Variants in EPRS1 observed in about 807,000 individuals in gnomAD.
The protein encoded by EPRS1 is glutamyl-prolyl-tRNA synthetase 1, also known as bifunctional glutamate/proline--tRNA ligase.
In EPRS1, 107 loss-of-function variants were observed where a neutral mutation model predicts 188.3. That is an observed-to-expected ratio of 0.57 (90% CI 0.49 to 0.67). EPRS1 has a LOEUF of 0.67. Among genes scored for constraint, EPRS1 ranks in the 30% least tolerant of loss-of-function variants. The pLI is 0.00. For synonymous variants in EPRS1, 596 were observed against 593.1 expected, an observed-to-expected ratio of 1.00 and a Z score of -0.07; for missense variants, 1,577 against 1,802.2, an observed-to-expected ratio of 0.88 and a Z score of 2.26.
intron 17 of EPRS1, among the ~76,000 whole-genome samples, chr1:220,000,905 C>T (rs1002684066): frequency 2.0e-5 from 3 of 152,122 alleles, no homozygotes; most frequent in Non-Finnish European, 2.9e-5. Flanking sequence ...TGCTTGAACC[C>T]GGGAGGCGGA....
intron 22 of EPRS1, 101 bp downstream of exon 22, chr1:219,983,088 A>G (rs1660930585): frequency 3.1e-6 from 3 of 972,430 alleles, no homozygotes; most frequent in Non-Finnish European, 4.6e-6. Flanking sequence ...TTTTTAATAA[A>G]AATGGCTTTA....
At position 220,046,493 on chromosome 1, in the gene EPRS1, C is replaced by T; in HGVS notation, c.-105G>A. On this transcript the variant is annotated 5_prime_UTR_variant, in exon 1 of 32. Transcript: ENST00000366923. The stretch of plus-strand genomic sequence containing the variant: ...TGCAACGTGTGCGCGTACCCGACGC[C>T]GCCGCAGCCTTCGCTCCGCCCCTGC... The T allele has an allele frequency of 4.6e-6, 7 of 1,524,550 alleles. 1 individual carries two copies. The South Asian group carries it at 8.5e-5, about 19-fold the overall frequency. The allele number at this position is 1,524,550 out of a possible 1,614,324, so 94.4% of individuals were successfully genotyped here.
chr1:220,041,311 G>A (rs1428012229), intron 1 of EPRS1, among the ~76,000 whole-genome samples: 6 of 150,920 alleles, frequency 4.0e-5, no homozygotes, highest in African/African-American at 1.2e-4. Flanking sequence ...CTGCCTGAAT[G>A]ACACAGCGAA....
At chr1:219,978,412 TGAA>T (rs1316436488) in intron 28 of EPRS1, 131 bp downstream of exon 28, 10 of 625,000 alleles carry the variant, frequency 1.6e-5, no homozygotes, top group South Asian at 5.1e-5. Flanking sequence ...ACAGTTTAAG[TGAA>T]GAAGAAGAAA....
chr1:219,979,288 A>G (rs185390474), intron 27 of EPRS1, 130 bp downstream of exon 27: 1 of 651,002 alleles, frequency 1.5e-6, no homozygotes, highest in African/African-American at 1.8e-5. Flanking sequence ...TCCAGACTGC[A>G]TTCCACGTTG....
intron 28 of EPRS1, among the ~76,000 whole-genome samples, chr1:219,976,680 A>T (rs7539385): frequency 1.3e-5 from 2 of 151,866 alleles, no homozygotes; most frequent in Non-Finnish European, 2.9e-5. Flanking sequence ...TAGAAGAAAT[A>T]GCACAAGTAA....
rs148397556 is a variant in EPRS1, at chr1:220,013,589, C to T, written c.1495-2533G>A. 5.9e-3 allele frequency among the ~76,000 whole-genome samples: 905 copies of T among 152,194 alleles called. 13 individuals are homozygous for T. Among genetic ancestry groups the T allele is most frequent in the African/African-American group, 0.02 (847 of 41,528 alleles). On this transcript the variant is annotated intron_variant, in intron 12 of 31. Transcript: ENST00000366923. ...AATGATGATTCAGCTCTGCCAGTAA[C>T]ACTTACTTCACAACTCCACGGCGCT...
chr1:219,982,790 G>A lies in EPRS1; in HGVS notation c.3355C>T (p.Arg1119Cys). ...TTCTCACCTGTTTCACTAGTAGGAC[G>A]AATGGCAATTGGTTCTGCCAGCTCG... is the stretch of plus-strand genomic sequence containing the variant. ...KTELAEPIAI[R>C]PTSETVMYPA... Residue 1119 changes from arginine (R) to cysteine (C), a missense_variant, in exon 23 of 32, where the codon CGT (arginine) becomes TGT (cysteine). Arg to Cys is a radical substitution (Grantham distance 180). Coordinates refer to ENST00000366923, the MANE Select transcript of EPRS1 (RefSeq NM_004446.3). 6.2e-7 allele frequency: 1 copy of A among 1,613,948 alleles called. No individual in the cohort carries two copies. Among genetic ancestry groups the A allele is most frequent in the Non-Finnish European group, 8.5e-7 (1 of 1,179,852 alleles).
At chr1:220,030,590 G>A (rs2102595226) in intron 5 of EPRS1, 110 bp from the exon 6 acceptor site, 1 of 746,854 alleles carries the variant, frequency 1.3e-6, no homozygotes, top group East Asian at 2.6e-5. Context: ...TGAAAAATAT[G>A]ATGACTAGAA....
At position 219,980,223 on chromosome 1, in the gene EPRS1, G is replaced by C; in HGVS notation, c.3573C>G (p.Asp1191Glu). The C allele has an allele frequency of 6.2e-7, 1 of 1,611,700 alleles. No homozygotes were observed. The highest frequency in any genetic ancestry group is 8.5e-7 in the Non-Finnish European group (1 of 1,178,434). Reference sequence around the variant, plus strand: ...GTTCTTCATATACCTGAGCATATAAGTCAAGTATCTGCAAGACCTGTAACA... The same window carrying C: ...GTTCTTCATATACCTGAGCATATAACTCAAGTATCTGCAAGACCTGTAACA... ...EAAEEVLQIL[D>E]LYAQVYEELL... is the part of the protein sequence containing the mutation. Residue 1191 changes from aspartate (D) to glutamate (E), a missense_variant, in exon 26 of 32, where the codon GAC (aspartate) becomes GAG (glutamate). Coordinates refer to ENST00000366923, the MANE Select transcript of EPRS1 (RefSeq NM_004446.3).
chr1:220,016,577 ATTT>A (rs57664248), intron 12 of EPRS1, among the ~76,000 whole-genome samples: 1 of 69,606 alleles, frequency 1.4e-5, no homozygotes, highest in Admixed American at 2.2e-4. Context: ...GGCCTAGCTA[ATTT>A]TTTTTTTTTT....
intron 2 of EPRS1, among the ~76,000 whole-genome samples, chr1:220,037,551 A>T (rs928446452): frequency 6.6e-6 from 1 of 151,776 alleles, no homozygotes; most frequent in Non-Finnish European, 1.5e-5. Flanking sequence ...TGGAGGTGAC[A>T]ACTTAGAAAA....
At chr1:220,018,870 G>C in intron 11 of EPRS1, 125 bp downstream of exon 11, 2 of 500,692 alleles carry the variant, frequency 4.0e-6, no homozygotes, top group Non-Finnish European at 3.3e-6. Flanking sequence ...AAAAAAATCT[G>C]CCCTTGGATC....
intron 5 of EPRS1, among the ~76,000 whole-genome samples, chr1:220,031,838 G>A (rs1662088968): frequency 6.6e-6 from 1 of 152,128 alleles, no homozygotes; most frequent in African/African-American, 2.4e-5. Flanking sequence ...TAAAATTAAT[G>A]AGGTTTTATT....
chr1:219,992,050 T>A (rs1217844110), intron 18 of EPRS1, among the ~76,000 whole-genome samples: 1 of 152,214 alleles, frequency 6.6e-6, no homozygotes, highest in Non-Finnish European at 1.5e-5. Context: ...GCTTTTTTCT[T>A]GTTTCCTTCC....
In EPRS1 at chr1:220,032,542, A is replaced by G. The variant is rs751278455; in HGVS notation, c.389-16T>C. On this transcript the variant is annotated splice_polypyrimidine_tract_variant and intron_variant, in intron 4 of 31. Coordinates refer to ENST00000366923, the MANE Select transcript of EPRS1 (RefSeq NM_004446.3). Reference sequence around the variant, plus strand: ...GCAGCATTTCCTATGAGCAAAGATAATTTTAAACTATTCAATAAATCTGCA... The same window carrying G: ...GCAGCATTTCCTATGAGCAAAGATAGTTTTAAACTATTCAATAAATCTGCA... 7.4e-6 allele frequency: 12 copies of G among 1,611,252 alleles called. No individual in the cohort carries two copies. The East Asian group carries it at 2.7e-4, about 36-fold the overall frequency.
In EPRS1 at chr1:219,983,358, C is replaced by T; in HGVS notation, c.3131G>A (p.Ser1044Asn). The change falls in exon 22 of 32, where the codon AGT (serine) becomes AAT (asparagine). Residue 1044 changes from serine to asparagine, a missense_variant. Ser to Asn is a conservative substitution (Grantham distance 46). Around this residue, in one of 3 missense-constraint regions of EPRS1, gnomAD observed 1,278 missense variants for 1,457.4 expected, o/e 0.88. Transcript: ENST00000366923. ...KSEMIEYHDI[S>N]GCYILRPWAY... The stretch of plus-strand genomic sequence containing the variant: ...CCAGGGACGAAGAATATAACAGCCA[C>T]TTATGTCATGGTATTCAATCATTTC... The T allele has an allele frequency of 1.2e-6, 2 of 1,613,852 alleles. No individual in the cohort carries two copies. The highest frequency in any genetic ancestry group is 8.5e-7 in the Non-Finnish European group (1 of 1,179,818).
chr1:219,970,421 A>T (rs35525846), intron 30 of EPRS1, among the ~76,000 whole-genome samples: 62,572 of 152,034 alleles, frequency 0.41, 13,633 homozygotes, highest in East Asian at 0.52. Flanking sequence ...AAAATCGTAA[A>T]TAAAGTGAAA....
intron 1 of EPRS1, among the ~76,000 whole-genome samples, chr1:220,045,387 C>G (rs1200530585): frequency 2.0e-5 from 3 of 152,046 alleles, no homozygotes; most frequent in African/African-American, 7.2e-5. Flanking sequence ...GCCTGTAGTC[C>G]CAGCTACTAA....
Sources: gnomAD v4.1 joint callset for allele counts (sites outside exome capture counted in the v4.1 genomes callset) on GRCh38, gnomAD v4.1.1 for gene constraint, gnomAD v4.1.1 regional missense constraint, MANE v1.5 for transcripts, NCBI Gene and HGNC (gene_info 2026-07-23, HGNC 2026-07-21) for gene names.